COL21A1: variants seen among roughly 807,000 people sequenced by gnomAD.
COL21A1 encodes the protein collagen type XXI alpha 1 chain.
COL21A1 carries 149 observed loss-of-function variants against 137.9 expected under a neutral mutation model. The observed-to-expected ratio is 1.08, with a 90% confidence interval of 0.95 to 1.24. The LOEUF (loss-of-function observed/expected upper bound fraction) is 1.24. Ranked by LOEUF, COL21A1 falls within the 50% of genes most tolerant of loss-of-function variation. The pLI is 0.00. For missense variants in COL21A1, 1,167 were observed against 1,158.4 expected, an observed-to-expected ratio of 1.01 and a Z score of -0.11; for synonymous variants, 456 against 391.5, an observed-to-expected ratio of 1.16 and a Z score of -1.95.
intron 9 of COL21A1, among the ~76,000 whole-genome samples, chr6:56,158,822 GAGA>G (rs1775983843): frequency 6.6e-6 from 1 of 152,122 alleles, no homozygotes. Flanking sequence ...GGAAAGGCTT[GAGA>G]AGAAGGGAAA....
At chr6:56,367,403 C>T (rs1437416719) in intron 1 of COL21A1, among the ~76,000 whole-genome samples, 1 of 152,136 alleles carries the variant, frequency 6.6e-6, no homozygotes, top group Admixed American at 6.6e-5. Flanking sequence ...TTAGATCTGG[C>T]CAATGACCTG....
At chr6:56,183,656 G>A (rs1778065887) in intron 1 of COL21A1, among the ~76,000 whole-genome samples, 2 of 152,218 alleles carry the variant, frequency 1.3e-5, no homozygotes, top group South Asian at 4.1e-4. Flanking sequence ...ATAAAACAGT[G>A]GCCAAGACTT....
chr6:56,263,747 T>C (rs989033574), intron 1 of COL21A1, among the ~76,000 whole-genome samples: 1 of 152,230 alleles, frequency 6.6e-6, no homozygotes, highest in African/African-American at 2.4e-5. Flanking sequence ...CTCTATGGCT[T>C]AATGTGAAGC....
chr6:56,220,835 A>G (rs147764073), intron 1 of COL21A1, among the ~76,000 whole-genome samples: 321 of 152,220 alleles, frequency 2.1e-3, no homozygotes, highest in African/African-American at 7.4e-3. Flanking sequence ...TAGAAACTAT[A>G]CTATTACCTC....
intron 16 of COL21A1, among the ~76,000 whole-genome samples, chr6:56,110,359 G>A (rs990075081): frequency 2.6e-5 from 4 of 151,034 alleles, no homozygotes; most frequent in Non-Finnish European, 5.9e-5. Flanking sequence ...CCTGATGCAG[G>A]GCTTTTATGT....
chr6:56,135,876 T>C (rs1247165989), intron 12 of COL21A1, among the ~76,000 whole-genome samples: 4 of 152,224 alleles, frequency 2.6e-5, no homozygotes, highest in Non-Finnish European at 4.4e-5. Flanking sequence ...TAACATTGAC[T>C]ATCTTGAAAT....
intron 1 of COL21A1, among the ~76,000 whole-genome samples, chr6:56,198,685 G>C (rs1779190014): frequency 6.6e-6 from 1 of 152,086 alleles, no homozygotes; most frequent in Non-Finnish European, 1.5e-5. Flanking sequence ...AGGAGGCCAT[G>C]CTTTCAGATC....
chr6:56,304,351 C>A (rs1347436898), intron 1 of COL21A1, among the ~76,000 whole-genome samples: 1 of 151,934 alleles, frequency 6.6e-6, no homozygotes, highest in Non-Finnish European at 1.5e-5. Context: ...GGCTGTGAAT[C>A]CATCTGGTCC....
intron 1 of COL21A1, among the ~76,000 whole-genome samples, chr6:56,187,223 T>C (rs895217940): frequency 1.3e-4 from 20 of 152,264 alleles, no homozygotes; most frequent in African/African-American, 4.8e-4. Context: ...AGAACCTACC[T>C]GGCTTTTTAT....
chr6:56,164,373 A>C, intron 9 of COL21A1, 50 bp downstream of exon 9: 1 of 1,174,916 alleles, frequency 8.5e-7, no homozygotes, highest in Non-Finnish European at 1.2e-6. Context: ...TGGTTTACCC[A>C]GCTCTTGTTT....
At chr6:56,175,303 G>T (rs554506846) in intron 3 of COL21A1, among the ~76,000 whole-genome samples, 2 of 152,066 alleles carry the variant, frequency 1.3e-5, no homozygotes, top group East Asian at 3.9e-4. Context: ...GGCAAGAAAA[G>T]AAATAAAAGG....
chr6:56,066,108 T>C (rs1439331675), intron 23 of COL21A1, among the ~76,000 whole-genome samples: 4 of 151,888 alleles, frequency 2.6e-5, no homozygotes, highest in Non-Finnish European at 4.4e-5. Flanking sequence ...GTCATCTAAA[T>C]GCAGTACCAA....
chr6:56,115,450 C>A (rs1161974298), intron 16 of COL21A1, among the ~76,000 whole-genome samples: 2 of 152,166 alleles, frequency 1.3e-5, no homozygotes. Flanking sequence ...TCTGCAAGAA[C>A]CACAATGTTA....
At position 56,276,705 on chromosome 6, in the gene COL21A1, G is replaced by A. The variant is rs545097914; in HGVS notation, c.-38-94049C>T. The A allele has an allele frequency of 1.3e-5, 19 of 1,434,468 alleles. No individual in the cohort carries two copies. The African/African-American group carries it at 1.4e-4, about 11-fold the overall frequency. 88.9% of individuals were successfully genotyped at this position (1,434,468 alleles called of 1,614,324 possible). On this transcript the variant is annotated intron_variant, in intron 1 of 28. Coordinates refer to the COL21A1 transcript ENST00000370819. ...TGTCACAAATAGTTTAAGATGGCCT[G>A]GGTGATTCACGGCTTCCTTATAAAC...
At chr6:56,163,586 G>A (rs1200351471) in intron 9 of COL21A1, among the ~76,000 whole-genome samples, 1 of 152,064 alleles carries the variant, frequency 6.6e-6, no homozygotes, top group African/African-American at 2.4e-5. Flanking sequence ...GTGATCGCCT[G>A]TAATCCTAGC....
At chr6:56,190,619 C>A (rs1161625855) in intron 1 of COL21A1, among the ~76,000 whole-genome samples, 1 of 152,166 alleles carries the variant, frequency 6.6e-6, no homozygotes, top group Non-Finnish European at 1.5e-5. Flanking sequence ...ATACCAAAAC[C>A]TGGCAGAGAC....
intron 25 of COL21A1, 118 bp from the exon 26 acceptor site, chr6:56,061,155 T>G: frequency 3.6e-6 from 3 of 826,300 alleles, no homozygotes; most frequent in Non-Finnish European, 3.6e-6. Context: ...ATGTAAGGTA[T>G]GTAAGGAATA....
At position 56,060,025 on chromosome 6, in the gene COL21A1, T is replaced by C. The variant is rs1765660893; in HGVS notation, c.2601A>G (p.Gly867=). 1 of 1,595,346 alleles carries C rather than the reference T, an allele frequency of 6.3e-7. No homozygotes were observed. Among genetic ancestry groups the C allele is most frequent in the Non-Finnish European group, 8.5e-7 (1 of 1,174,496 alleles). ...VGVPGRPGVR[G]LKGLPGRNGE... is the part of the protein sequence containing the mutation. ...TTGAAACTAACTGCATACCTTTTAA[T>C]CCTCTGACACCTGGACGTCCAGGGA... The change falls in exon 28 of 30, where the codon GGA becomes GGG. Residue 867 remains glycine (G), a synonymous_variant. Coordinates refer to ENST00000244728, the MANE Select transcript of COL21A1 (RefSeq NM_030820.4).
intron 17 of COL21A1, among the ~76,000 whole-genome samples, chr6:56,094,761 T>C (rs1404486206): frequency 6.6e-6 from 1 of 152,148 alleles, no homozygotes; most frequent in African/African-American, 2.4e-5. Context: ...TACCAATCCA[T>C]GAGACAGGCA....
Sources: allele counts gnomAD v4.1 joint callset (sites outside exome capture counted in the v4.1 genomes callset), GRCh38; gene constraint gnomAD v4.1.1; transcripts MANE v1.5; gene names NCBI Gene and HGNC (gene_info 2026-07-23, HGNC 2026-07-21).